Variants in FUT9 observed in about 807,000 individuals in gnomAD.
The protein encoded by FUT9 is fucosyltransferase 9.
FUT9 carries 15 observed loss-of-function variants against 29.7 expected under a neutral mutation model. The observed-to-expected ratio is 0.51, with a 90% CI of 0.34 to 0.78. The LOEUF (loss-of-function observed/expected upper bound fraction) is 0.78. Among genes scored for constraint, FUT9 ranks in the 30% least tolerant of loss-of-function variants. FUT9 has a pLI of 0.01. For missense variants in FUT9, 319 were observed against 425.4 expected (o/e 0.75, Z 2.20); for synonymous variants, 169 against 153.7 (o/e 1.10, Z -0.74).
At position 96,214,663 on chromosome 6, in the gene FUT9, G is replaced by A. The variant is rs920934922; in HGVS notation, c.*10428G>A. 10 of 166,708 alleles carry A rather than the reference G, an allele frequency of 6.0e-5. No individual in the cohort carries two copies. The highest frequency in any genetic ancestry group is 1.3e-4 in the Admixed American group (2 of 15,228). The allele number at this position is 166,708 out of a possible 1,614,324, so 10.3% of individuals were successfully genotyped here. On this transcript the variant is annotated 3_prime_UTR_variant, in exon 3 of 3. Transcript: ENST00000302103. The stretch of plus-strand genomic sequence containing the variant: ...TTAATCCCAAACAGGTAATATGTGT[G>A]GATCAATCATCTCTCCTCCCATGAA...
chr6:96,105,660 T>C (rs1185890301), intron 1 of FUT9, among the ~76,000 whole-genome samples: 1 of 152,206 alleles, frequency 6.6e-6, no homozygotes, highest in East Asian at 1.9e-4. Flanking sequence ...TTTCATGCAG[T>C]TAATTTATAC....
At chr6:96,024,604 G>C (rs551666660) in intron 1 of FUT9, among the ~76,000 whole-genome samples, 2 of 151,772 alleles carry the variant, frequency 1.3e-5, no homozygotes, top group South Asian at 4.2e-4. Flanking sequence ...ACTCAGTCTT[G>C]GCTCACACAA....
At chr6:96,104,287 T>C (rs954182757) in intron 1 of FUT9, among the ~76,000 whole-genome samples, 2 of 152,226 alleles carry the variant, frequency 1.3e-5, no homozygotes, top group Non-Finnish European at 2.9e-5. Flanking sequence ...ATTTAGGTTG[T>C]GTATGTTATT....
In FUT9 at chr6:96,210,847, G is replaced by C. The variant is rs1451350072; in HGVS notation, c.*6612G>C. 6.0e-6 allele frequency: 1 copy of C among 166,770 alleles called. No homozygotes were observed. Among genetic ancestry groups the C allele is most frequent in the Non-Finnish European group, 1.5e-5 (1 of 68,004 alleles). 10.3% of individuals were successfully genotyped at this position (166,770 alleles called of 1,614,324 possible). A position where few individuals can be genotyped will look rare whatever the true frequency, so the allele number is the denominator to read the frequency against. On this transcript the variant is annotated 3_prime_UTR_variant, in exon 3 of 3. Transcript: ENST00000302103. Reference sequence around the variant, plus strand: ...ACTACAGATTTAGAATTGAATCCAAGGTCTGCCATTCACTAGCTATGTGCA... The same window carrying C: ...ACTACAGATTTAGAATTGAATCCAACGTCTGCCATTCACTAGCTATGTGCA...
At chr6:96,073,301 T>C (rs1429782401) in intron 1 of FUT9, among the ~76,000 whole-genome samples, 3 of 151,882 alleles carry the variant, frequency 2.0e-5, no homozygotes, top group African/African-American at 7.3e-5. Context: ...ATACAAAAAT[T>C]AGCCAGGCGT....
chr6:96,049,143 G>T (rs2127937287), intron 1 of FUT9, among the ~76,000 whole-genome samples: 1 of 152,272 alleles, frequency 6.6e-6, no homozygotes, highest in East Asian at 1.9e-4. Flanking sequence ...GTAAGGGTTT[G>T]ATTGGTCTAA....
At chr6:96,034,023 T>C (rs184434681) in intron 1 of FUT9, among the ~76,000 whole-genome samples, 2 of 151,556 alleles carry the variant, frequency 1.3e-5, no homozygotes, top group African/African-American at 2.4e-5. Flanking sequence ...AGGGAAACCA[T>C]AGGACAAACA....
At chr6:96,137,162 C>G (rs1459212566) in intron 2 of FUT9, among the ~76,000 whole-genome samples, 1 of 151,796 alleles carries the variant, frequency 6.6e-6, no homozygotes, top group Non-Finnish European at 1.5e-5. Flanking sequence ...TGAGACACAA[C>G]AGTGAAGTGT....
intron 2 of FUT9, among the ~76,000 whole-genome samples, chr6:96,131,129 A>G (rs1056607637): frequency 6.6e-6 from 1 of 152,018 alleles, no homozygotes; most frequent in East Asian, 1.9e-4. Context: ...TTTTTCTTCT[A>G]TGAGTTCCTA....
chr6:96,092,492 G>C (rs143566393), intron 1 of FUT9, among the ~76,000 whole-genome samples: 119 of 152,078 alleles, frequency 7.8e-4, no homozygotes, highest in African/African-American at 2.6e-3. Flanking sequence ...ACAGACTCTA[G>C]GAATCTGCAT....
intron 1 of FUT9, among the ~76,000 whole-genome samples, chr6:96,042,313 G>A (rs571929780): frequency 6.6e-6 from 1 of 152,300 alleles, no homozygotes; most frequent in East Asian, 1.9e-4. Flanking sequence ...AACAATGTCT[G>A]CATCTTGTTG....
intron 1 of FUT9, among the ~76,000 whole-genome samples, chr6:96,100,889 A>G (rs980385567): frequency 7.9e-5 from 12 of 152,174 alleles, no homozygotes; most frequent in African/African-American, 2.7e-4. Context: ...AATGTATTAA[A>G]AGGAAGGGAA....
chr6:96,160,570 T>A (rs905313312), intron 2 of FUT9, among the ~76,000 whole-genome samples: 1 of 152,162 alleles, frequency 6.6e-6, no homozygotes, highest in Admixed American at 6.6e-5. Flanking sequence ...TAAATTGTTA[T>A]ATATAATGAT....
rs1773818651 is a variant in FUT9, at chr6:96,205,845, C to G, written c.*1610C>G. The G allele has an allele frequency of 6.0e-6, 1 of 166,894 alleles. No individual in the cohort carries two copies. Among genetic ancestry groups the G allele is most frequent in the Non-Finnish European group, 1.5e-5 (1 of 68,110 alleles). The allele number at this position is 166,894 out of a possible 1,614,324, so 10.3% of individuals were successfully genotyped here. A position where few individuals can be genotyped will look rare whatever the true frequency, so the allele number is the denominator to read the frequency against. On this transcript the variant is annotated 3_prime_UTR_variant, in exon 3 of 3. Coordinates refer to ENST00000302103, the MANE Select transcript of FUT9 (RefSeq NM_006581.4). ...GTAAAAAGGGCATAGATCCAGCTATCCAGACTATCTTGTGAGAGAATAAGC... is the reference window on the plus strand; with the variant it reads ...GTAAAAAGGGCATAGATCCAGCTATGCAGACTATCTTGTGAGAGAATAAGC...
intron 2 of FUT9, among the ~76,000 whole-genome samples, chr6:96,125,189 C>A (rs1582250349): frequency 6.6e-6 from 1 of 152,286 alleles, no homozygotes; most frequent in East Asian, 1.9e-4. Flanking sequence ...ACTCTTTCTA[C>A]CCAGGAGGAG....
intron 2 of FUT9, among the ~76,000 whole-genome samples, chr6:96,169,721 C>G (rs1773077965): frequency 6.6e-6 from 1 of 152,090 alleles, no homozygotes; most frequent in South Asian, 2.1e-4. Flanking sequence ...TTATTCAAAT[C>G]TCTTTTAAAT....
At chr6:96,061,779 G>A (rs1334265339) in intron 1 of FUT9, among the ~76,000 whole-genome samples, 1 of 152,050 alleles carries the variant, frequency 6.6e-6, no homozygotes, top group Non-Finnish European at 1.5e-5. Context: ...CCTCTCTGGT[G>A]CTAATTACCC....
Position 96,204,188 on chromosome 6 carries a change from C to A in FUT9, c.1033C>A (p.Gln345Lys), listed in dbSNP as rs755759092. ...CLACDHVKRHQEYKSVGNLEK... is the reference protein window; with the variant it reads ...CLACDHVKRHKEYKSVGNLEK... ...GGCTTGCGATCATGTGAAAAGGCAT[C>A]AAGAATATAAGTCTGTTGGTAATTT... The change falls in exon 3 of 3, where the codon CAA (glutamine) becomes AAA (lysine). Residue 345 changes from glutamine to lysine, a missense_variant. By Grantham distance (53) the Gln-to-Lys change is moderately conservative (BLOSUM62 1). Coordinates refer to ENST00000302103, the MANE Select transcript of FUT9 (RefSeq NM_006581.4). 4 of 1,478,446 alleles carry A rather than the reference C, an allele frequency of 2.7e-6. No homozygotes were observed. The highest frequency in any genetic ancestry group is 3.6e-6 in the Non-Finnish European group (4 of 1,112,256). The allele number at this position is 1,478,446 out of a possible 1,614,324, so 91.6% of individuals were successfully genotyped here.
chr6:96,132,656 A>G (rs1371205154), intron 2 of FUT9, among the ~76,000 whole-genome samples: 4 of 152,054 alleles, frequency 2.6e-5, no homozygotes, highest in Non-Finnish European at 4.4e-5. Context: ...CAACTTTATT[A>G]TGCTTTCTTA....
Sources: allele counts gnomAD v4.1 joint callset (sites outside exome capture counted in the v4.1 genomes callset), GRCh38; gene constraint gnomAD v4.1.1; transcripts MANE v1.5; gene names NCBI Gene and HGNC (gene_info 2026-07-23, HGNC 2026-07-21).